Variants in DENND4C observed in about 807,000 individuals in gnomAD.
The protein encoded by DENND4C is DENN domain-containing protein 4C.
Under a neutral mutation model 203.0 loss-of-function variants are expected in DENND4C, and 108 were observed. The observed-to-expected ratio is 0.53, with a 90% CI of 0.46 to 0.62. DENND4C has a LOEUF of 0.62. Among genes scored for constraint, DENND4C ranks in the 20% least tolerant of loss-of-function variants. The pLI, the probability that DENND4C is intolerant of heterozygous loss-of-function variation, is 0.00. For missense variants in DENND4C, 2,481 were observed against 2,301.2 expected (o/e 1.08, Z -1.60); for synonymous variants, 871 against 792.4 (o/e 1.10, Z -1.67).
intron 22 of DENND4C, among the ~76,000 whole-genome samples, chr9:19,345,664 C>T (rs1159528894): frequency 6.6e-6 from 1 of 152,066 alleles, no homozygotes; most frequent in African/African-American, 2.4e-5. Context: ...TCATATGTTG[C>T]ATGATTTGTT....
At chr9:19,262,010 A>C (rs1829478192) in intron 1 of DENND4C, among the ~76,000 whole-genome samples, 1 of 151,018 alleles carries the variant, frequency 6.6e-6, no homozygotes, top group African/African-American at 2.4e-5. Context: ...ACATATGGAA[A>C]TACTGATTTT....
rs773037670 is a variant in DENND4C at position 19,342,766 on chromosome 9, G to A, written c.3138G>A (p.Arg1046=). ...CTGGTATATTTGATGTCAACAGCAG[G>A]AAAAGTAGCACTGGTGAGTCTTTAC... is the stretch of plus-strand genomic sequence containing the variant. ...VPSGIFDVNS[R]KSSTGSISNV... Residue 1046 remains arginine (R), a synonymous_variant, in exon 22 of 33, where the codon AGG becomes AGA. Coordinates refer to ENST00000434457, the MANE Select transcript of DENND4C (RefSeq NM_001330640.2). 3 of 1,603,816 alleles carry A rather than the reference G, an allele frequency of 1.9e-6. No individual in the cohort carries two copies. Among genetic ancestry groups the A allele is most frequent in the Middle Eastern group, 1.7e-4 (1 of 6,046 alleles).
At chr9:19,232,602 T>G (rs1354767793) in intron 1 of DENND4C, among the ~76,000 whole-genome samples, 1 of 152,174 alleles carries the variant, frequency 6.6e-6, no homozygotes, top group Non-Finnish European at 1.5e-5. Flanking sequence ...TTGTCGAGAG[T>G]AAATACAGTA....
chr9:19,359,413 G>A (rs1252750159), intron 28 of DENND4C, among the ~76,000 whole-genome samples: 2 of 151,618 alleles, frequency 1.3e-5, no homozygotes, highest in Admixed American at 6.6e-5. Flanking sequence ...TGTTTTTATC[G>A]TTGTTCATGC....
chr9:19,253,472 A>T (rs1306250081), intron 1 of DENND4C, among the ~76,000 whole-genome samples: 2 of 152,226 alleles, frequency 1.3e-5, no homozygotes, highest in African/African-American at 4.8e-5. Flanking sequence ...AAATGATTTC[A>T]GTTTTGTAGT....
intron 20 of DENND4C, among the ~76,000 whole-genome samples, chr9:19,338,359 A>G (rs557413294): frequency 6.6e-6 from 1 of 152,138 alleles, no homozygotes; most frequent in East Asian, 1.9e-4. Context: ...CAGATTTTTA[A>G]GTTTACCTCA....
chr9:19,276,605 T>C (rs1832938990), intron 2 of DENND4C, 126 bp downstream of exon 2: 2 of 553,910 alleles, frequency 3.6e-6, no homozygotes, highest in Non-Finnish European at 5.4e-6. Context: ...GATAGTTTTA[T>C]GGTTACTTCA....
In DENND4C at chr9:19,372,130, G is replaced by T. The variant is rs1423864842; in HGVS notation, c.5834G>T (p.Ser1945Ile). Reference protein sequence around the residue: ...LQKIDAPPSASVEWCRKCFGA... With the variant: ...LQKIDAPPSAIVEWCRKCFGA... ...AAAATTGATGCTCCACCAAGTGCCAGTGTCGAGTGGTGCAGGAAGTGTTTT... is the reference window on the plus strand; with the variant it reads ...AAAATTGATGCTCCACCAAGTGCCATTGTCGAGTGGTGCAGGAAGTGTTTT... The change falls in exon 33 of 33, where the codon AGT becomes ATT. Residue 1945 changes from serine to isoleucine, a missense_variant. Coordinates refer to ENST00000434457, the MANE Select transcript of DENND4C (RefSeq NM_001330640.2). 6.2e-7 allele frequency: 1 copy of T among 1,613,992 alleles called. No homozygotes were observed. Among genetic ancestry groups the T allele is most frequent in the African/African-American group, 1.3e-5 (1 of 74,932 alleles).
chr9:19,233,556 G>A (rs1425921919), intron 1 of DENND4C, among the ~76,000 whole-genome samples: 6 of 132,268 alleles, frequency 4.5e-5, no homozygotes, highest in African/African-American at 1.6e-4. Flanking sequence ...CATGGTATTT[G>A]AAACCTTTTT....
chr9:19,306,426 G>T (rs1207412684), intron 10 of DENND4C, among the ~76,000 whole-genome samples: 1 of 152,112 alleles, frequency 6.6e-6, no homozygotes, highest in Non-Finnish European at 1.5e-5. Flanking sequence ...AGCTATAGTG[G>T]CTCCTTATGT....
intron 10 of DENND4C, among the ~76,000 whole-genome samples, chr9:19,310,379 G>C (rs1840507206): frequency 6.6e-6 from 1 of 152,180 alleles, no homozygotes; most frequent in African/African-American, 2.4e-5. Context: ...ATACAACAGG[G>C]ATTGACATCT....
At chr9:19,261,420 G>T (rs1829316643) in intron 1 of DENND4C, among the ~76,000 whole-genome samples, 1 of 146,100 alleles carries the variant, frequency 6.8e-6, no homozygotes, top group African/African-American at 2.5e-5. Context: ...GATAGGGATT[G>T]CATTTAATCT....
intron 1 of DENND4C, among the ~76,000 whole-genome samples, chr9:19,266,390 T>G (rs1489692196): frequency 6.6e-6 from 1 of 152,224 alleles, no homozygotes; most frequent in Non-Finnish European, 1.5e-5. Context: ...TGTAAAAATT[T>G]TCTCCTGTTC....
At chr9:19,313,614 A>C (rs909885783) in intron 10 of DENND4C, among the ~76,000 whole-genome samples, 1 of 152,236 alleles carries the variant, frequency 6.6e-6, no homozygotes, top group Non-Finnish European at 1.5e-5. Flanking sequence ...TTTAAGACAC[A>C]GTTTCAAGAG....
rs141667566 is a variant in DENND4C, at chr9:19,360,875, T to C, written c.5406+386T>C. ...ATTTTCTTGGCCTGAACTCAGTTAT[T>C]AGGTCATATCTGTCTGCAAGGGTAG... On this transcript the variant is annotated intron_variant, in intron 29 of 32. Coordinates refer to ENST00000434457, the MANE Select transcript of DENND4C (RefSeq NM_001330640.2). Among the ~76,000 whole-genome samples the C allele has an allele frequency of 3.3e-4, 51 of 152,298 alleles. No homozygotes were observed. The East Asian group carries it at 8.9e-3, about 27-fold the overall frequency.
rs1038334164 is a variant in DENND4C, at chr9:19,305,349, C to T, written c.1312-3C>T. 1 of 1,576,406 alleles carries T rather than the reference C, an allele frequency of 6.3e-7. No homozygotes were observed. Reference sequence around the variant, plus strand: ...GGTTAATTTTTTAAAACTTTTTCCCCAGATGATCTTTCCATTTCAGTGGCA... The same window carrying T: ...GGTTAATTTTTTAAAACTTTTTCCCTAGATGATCTTTCCATTTCAGTGGCA... On this transcript the variant is annotated splice_region_variant and splice_polypyrimidine_tract_variant and intron_variant, in intron 9 of 32. Coordinates refer to ENST00000434457, the MANE Select transcript of DENND4C (RefSeq NM_001330640.2).
At chr9:19,338,063 A>G (rs1820873499) in intron 20 of DENND4C, among the ~76,000 whole-genome samples, 1 of 152,184 alleles carries the variant, frequency 6.6e-6, no homozygotes, top group Non-Finnish European at 1.5e-5. Context: ...TAATTACAGG[A>G]GCATGTGTAA....
At chr9:19,299,099 C>T (rs1043392727) in intron 7 of DENND4C, 130 bp from the exon 8 acceptor site, 3 of 623,008 alleles carry the variant, frequency 4.8e-6, no homozygotes, top group South Asian at 2.4e-5. Flanking sequence ...AGTGTGTTTG[C>T]ATATTAAATT....
In DENND4C at chr9:19,336,401, C is replaced by T. The variant is rs370681440; in HGVS notation, c.2721C>T (p.Val907=). ...AAAAGACTGTGCAAAGGTCACAGGT[C>T]TCCTCAATATCAGGTAATACATGTG... The part of the protein sequence containing the change: ...PLKKTVQRSQ[V]SSISALQNVT... Residue 907 remains valine (V), a synonymous_variant, in exon 19 of 33, where the codon GTC becomes GTT. Coordinates refer to ENST00000434457, the MANE Select transcript of DENND4C (RefSeq NM_001330640.2). The T allele has an allele frequency of 6.2e-6, 10 of 1,613,226 alleles. No homozygotes were observed. The highest frequency in any genetic ancestry group is 7.6e-6 in the Non-Finnish European group (9 of 1,179,728).
Sources: gnomAD v4.1 joint callset for allele counts (sites outside exome capture counted in the v4.1 genomes callset) on GRCh38, gnomAD v4.1.1 for gene constraint, MANE v1.5 for transcripts, NCBI Gene and HGNC (gene_info 2026-07-23, HGNC 2026-07-21) for gene names.